CBFB: variants seen among roughly 807,000 people sequenced by gnomAD.
The protein encoded by CBFB is core-binding factor subunit beta.
In CBFB, 9 loss-of-function variants were observed where a neutral mutation model predicts 30.4. The observed-to-expected ratio is 0.30, with a 90% CI of 0.18 to 0.52. The LOEUF is 0.52. Among genes scored for constraint, CBFB ranks in the 20% least tolerant of loss-of-function variants. The pLI is 0.97. For missense variants in CBFB, 170 were observed against 244.0 expected (o/e 0.70, Z 2.02); for synonymous variants, 94 against 84.0 (o/e 1.12, Z -0.65).
chr16:67,074,191 A>G (rs1212306402), intron 4 of CBFB, among the ~76,000 whole-genome samples: 1 of 151,202 alleles, frequency 6.6e-6, no homozygotes, highest in Non-Finnish European at 1.5e-5. Flanking sequence ...ACATTTCTAT[A>G]TACCAGCAAT....
At chr16:67,047,936 G>T (rs1391297893) in intron 3 of CBFB, among the ~76,000 whole-genome samples, 1 of 152,176 alleles carries the variant, frequency 6.6e-6, no homozygotes, top group Non-Finnish European at 1.5e-5. Context: ...GGGCATGGTG[G>T]TGGGTGCCTC....
chr16:67,048,499 A>T (rs1273108993), intron 3 of CBFB, among the ~76,000 whole-genome samples: 2 of 152,188 alleles, frequency 1.3e-5, no homozygotes, highest in African/African-American at 4.8e-5. Context: ...TGAAGTTAAA[A>T]ATTGAAACGA....
At chr16:67,060,159 T>G (rs1205887815) in intron 3 of CBFB, among the ~76,000 whole-genome samples, 1 of 151,972 alleles carries the variant, frequency 6.6e-6, no homozygotes, top group Non-Finnish European at 1.5e-5. Context: ...TTAAAATTTT[T>G]GTAGAGATGA....
At chr16:67,038,822 T>G (rs1298796468) in intron 3 of CBFB, among the ~76,000 whole-genome samples, 1 of 152,198 alleles carries the variant, frequency 6.6e-6, no homozygotes, top group Non-Finnish European at 1.5e-5. Context: ...CCAAAACTAT[T>G]TTAAGACTTC....
intron 3 of CBFB, among the ~76,000 whole-genome samples, chr16:67,059,980 T>TTTC (rs1567613326): frequency 4.6e-5 from 7 of 150,616 alleles, no homozygotes; most frequent in South Asian, 2.1e-4. Context: ...TTCTTTCTTT[T>TTTC]TTTTTTTTTG....
At chr16:67,082,685 ACTT>A (rs1961600169) in intron 5 of CBFB, among the ~76,000 whole-genome samples, 1 of 152,142 alleles carries the variant, frequency 6.6e-6, no homozygotes, top group Non-Finnish European at 1.5e-5. Flanking sequence ...GAGTAATACT[ACTT>A]TCCATTTTTC....
At chr16:67,063,237 T>C (rs965212456) in intron 3 of CBFB, among the ~76,000 whole-genome samples, 14 of 152,164 alleles carry the variant, frequency 9.2e-5, no homozygotes, top group South Asian at 4.1e-4. Context: ...GAAGGAAATG[T>C]GTGGTTAAAC....
intron 3 of CBFB, among the ~76,000 whole-genome samples, chr16:67,063,727 C>T (rs1960974709): frequency 6.6e-6 from 1 of 152,152 alleles, no homozygotes; most frequent in Non-Finnish European, 1.5e-5. Flanking sequence ...CTGCTGCGGC[C>T]AGCCAGAGGG....
At chr16:67,066,534 TG>T in intron 3 of CBFB, 147 bp from the exon 4 acceptor site, 2 of 470,278 alleles carry the variant, frequency 4.3e-6, no homozygotes, top group Non-Finnish European at 3.9e-6. Context: ...CATTCCAGCC[TG>T]GGGAGCACAG....
In CBFB at chr16:67,099,108, A is replaced by G. The variant is rs1179371566; in HGVS notation, c.*330A>G. On this transcript the variant is annotated 3_prime_UTR_variant, in exon 6 of 6. Transcript: ENST00000412916. ...TTTAATTTAAAAGTTCATGTCATTT[A>G]AAAACAAGTCAAGAAATTAAAATTG... 7.1e-6 allele frequency: 2 copies of G among 283,530 alleles called. No homozygotes were observed. The allele number at this position is 283,530 out of a possible 1,614,324, so 17.6% of individuals were successfully genotyped here. A position where few individuals can be genotyped will look rare whatever the true frequency, so the allele number is the denominator to read the frequency against.
At chr16:67,060,951 A>G (rs1344270233) in intron 3 of CBFB, among the ~76,000 whole-genome samples, 1 of 152,188 alleles carries the variant, frequency 6.6e-6, no homozygotes, top group Non-Finnish European at 1.5e-5. Flanking sequence ...GTGTGTATAA[A>G]CATTTCATTC....
intron 5 of CBFB, among the ~76,000 whole-genome samples, chr16:67,095,086 G>T (rs955281228): frequency 6.6e-6 from 1 of 151,588 alleles, no homozygotes; most frequent in Non-Finnish European, 1.5e-5. Flanking sequence ...GGGCATGGAA[G>T]CGCATGCCGG....
chr16:67,031,026 A>G (rs746302559), intron 2 of CBFB, among the ~76,000 whole-genome samples: 2 of 152,350 alleles, frequency 1.3e-5, no homozygotes, highest in Non-Finnish European at 2.9e-5. Context: ...GTAGGAAGAC[A>G]TTGGAAATTT....
intron 5 of CBFB, among the ~76,000 whole-genome samples, chr16:67,084,526 G>A (rs1961664352): frequency 6.6e-6 from 1 of 152,142 alleles, no homozygotes; most frequent in South Asian, 2.1e-4. Context: ...AAAGAGTATA[G>A]AGTTTCAGTT....
chr16:67,039,045 A>G (rs1966489478), intron 3 of CBFB, among the ~76,000 whole-genome samples: 1 of 152,232 alleles, frequency 6.6e-6, no homozygotes, highest in African/African-American at 2.4e-5. Context: ...ATTCTAGTAC[A>G]GTCATGTGTC....
At chr16:67,062,444 A>G (rs1011318929) in intron 3 of CBFB, among the ~76,000 whole-genome samples, 2 of 150,204 alleles carry the variant, frequency 1.3e-5, no homozygotes, top group Middle Eastern at 3.4e-3. Context: ...TGCTGGGATT[A>G]CAGGTGTGAG....
At chr16:67,029,947 G>C in intron 2 of CBFB, 134 bp downstream of exon 2, 1 of 529,958 alleles carries the variant, frequency 1.9e-6, no homozygotes, top group Non-Finnish European at 3.1e-6. Context: ...TCCTACTCGG[G>C]ATTCAAAATG....
chr16:67,032,609 C>T (rs972813219), intron 2 of CBFB, among the ~76,000 whole-genome samples: 10 of 152,070 alleles, frequency 6.6e-5, no homozygotes, highest in East Asian at 1.9e-4. Flanking sequence ...TTGTATAAAC[C>T]CCTCTGGATA....
chr16:67,080,706 A>G (rs1051187422), intron 4 of CBFB, among the ~76,000 whole-genome samples: 4 of 152,170 alleles, frequency 2.6e-5, no homozygotes, highest in African/African-American at 7.2e-5. Flanking sequence ...GAAGTTTCCA[A>G]CATTTGTGTA....
Sources: gnomAD v4.1 joint callset for allele counts (sites outside exome capture counted in the v4.1 genomes callset) on GRCh38, gnomAD v4.1.1 for gene constraint, MANE v1.5 for transcripts, NCBI Gene and HGNC (gene_info 2026-07-23, HGNC 2026-07-21) for gene names.